MME: variants seen among roughly 807,000 people sequenced by gnomAD.
The protein encoded by MME is membrane metalloendopeptidase.
In MME, 98 loss-of-function variants were observed where a neutral mutation model predicts 113.2. The observed-to-expected ratio is 0.87, with a 90% CI of 0.74 to 1.02. The LOEUF (loss-of-function observed/expected upper bound fraction) is 1.02, where lower values mean the gene tolerates loss of function less well. Among genes scored for constraint, MME ranks in the 50% least tolerant of loss-of-function variants. The pLI is 0.00. For synonymous variants in MME, 292 were observed against 300.6 expected (o/e 0.97, Z 0.30); for missense variants, 836 against 896.0 (o/e 0.93, Z 0.86).
intron 8 of MME, among the ~76,000 whole-genome samples, chr3:155,128,734 C>T (rs1426123012): frequency 6.6e-6 from 1 of 152,016 alleles, no homozygotes; most frequent in Non-Finnish European, 1.5e-5. Flanking sequence ...TGTCTCATTG[C>T]CCTTTGCTCT....
At chr3:155,062,748 T>C (rs2108136951) in intron 1 of MME, among the ~76,000 whole-genome samples, 1 of 151,942 alleles carries the variant, frequency 6.6e-6, no homozygotes, top group East Asian at 1.9e-4. Flanking sequence ...GACACACAAA[T>C]GGAAACTTTA....
chr3:155,073,348 A>G (rs1714643096), intron 1 of MME, among the ~76,000 whole-genome samples: 1 of 152,226 alleles, frequency 6.6e-6, no homozygotes, highest in Non-Finnish European at 1.5e-5. Context: ...ATTAATTAAT[A>G]AGTAAATGCC....
chr3:155,179,047 A>G (rs1712827324), intron 22 of MME, among the ~76,000 whole-genome samples: 1 of 152,138 alleles, frequency 6.6e-6, no homozygotes, highest in South Asian at 2.1e-4. Flanking sequence ...CTGTAAGAGG[A>G]GTTAGTTTAG....
At chr3:155,123,690 C>T (rs1719352289) in intron 8 of MME, among the ~76,000 whole-genome samples, 1 of 46,340 alleles carries the variant, frequency 2.2e-5, no homozygotes, top group Non-Finnish European at 4.6e-5. Context: ...CTTAGTTTGG[C>T]TGGATATGAA....
intron 1 of MME, among the ~76,000 whole-genome samples, chr3:155,042,922 A>ACATATATATATATG (rs1713397031): frequency 1.6e-5 from 1 of 63,726 alleles, no homozygotes; most frequent in African/African-American, 6.8e-5. Flanking sequence ...ATATATATAT[A>ACATATATATATATG]TATATATATA....
At chr3:155,072,035 C>G (rs1219551987) in intron 1 of MME, among the ~76,000 whole-genome samples, 2 of 151,968 alleles carry the variant, frequency 1.3e-5, no homozygotes, top group African/African-American at 2.4e-5. Context: ...GTGGCGGGCG[C>G]CTGTAGTCCC....
intron 3 of MME, among the ~76,000 whole-genome samples, chr3:155,098,459 G>A (rs1176022610): frequency 6.6e-6 from 1 of 151,996 alleles, no homozygotes; most frequent in East Asian, 1.9e-4. Flanking sequence ...GGGAGGCTGA[G>A]GCAGGAGTAT....
chr3:155,158,438 C>T (rs1371025567), intron 16 of MME: 2 of 152,056 alleles, frequency 1.3e-5, no homozygotes, highest in Non-Finnish European at 2.9e-5. Flanking sequence ...ATCAGAATTA[C>T]CTTTCAGAAG....
chr3:155,085,527 A>T (rs1372853830), intron 3 of MME: 3 of 152,476 alleles, frequency 2.0e-5, no homozygotes, highest in African/African-American at 4.8e-5. Context: ...CATTTTATTT[A>T]TTTTTTTTAT....
At chr3:155,035,383 T>C (rs1713096785) in intron 1 of MME, among the ~76,000 whole-genome samples, 1 of 150,846 alleles carries the variant, frequency 6.6e-6, no homozygotes, top group Non-Finnish European at 1.5e-5. Context: ...CATTCCAAGG[T>C]GATAGAGATA....
At chr3:155,027,291 C>T (rs1231731609) in intron 1 of MME, among the ~76,000 whole-genome samples, 2 of 148,888 alleles carry the variant, frequency 1.3e-5, no homozygotes, top group East Asian at 4.0e-4. Context: ...TAACACTTCC[C>T]TCATCTACAC....
At chr3:155,117,060 A>G in intron 7 of MME, 74 bp downstream of exon 7, 1 of 866,308 alleles carries the variant, frequency 1.2e-6, no homozygotes, top group Non-Finnish European at 2.0e-6. Flanking sequence ...GTTGTTATTG[A>G]TATTTAGAAA....
chr3:155,063,189 T>G (rs1161879805), intron 1 of MME, among the ~76,000 whole-genome samples: 9 of 125,424 alleles, frequency 7.2e-5, no homozygotes, highest in Non-Finnish European at 1.4e-4. Context: ...CTTTGTAATA[T>G]ATATTATTTA....
In MME at chr3:155,106,482, A is replaced by G. The variant is rs1717698917; in HGVS notation, c.197-8512A>G. 2.0e-5 allele frequency among the ~76,000 whole-genome samples: 3 copies of G among 152,314 alleles called. 1 individual carries two copies. The South Asian group carries it at 6.2e-4, about 32-fold the overall frequency. ...TAATGAAAGCCATTTGGTTTTTATT[A>G]GCATTAGAGTCTACGTGCTTGCTAG... On this transcript the variant is annotated intron_variant, in intron 3 of 22. Coordinates refer to ENST00000360490, the MANE Select transcript of MME (RefSeq NM_007289.4).
At chr3:155,035,487 G>A (rs1041458683) in intron 1 of MME, among the ~76,000 whole-genome samples, 7 of 152,068 alleles carry the variant, frequency 4.6e-5, no homozygotes, top group African/African-American at 1.7e-4. Context: ...GAGTTATAAT[G>A]GCTGAGAATT....
At chr3:155,127,675 TGTGATCAAATAACACA>T (rs2108282449) in intron 8 of MME, among the ~76,000 whole-genome samples, 1 of 152,362 alleles carries the variant, frequency 6.6e-6, no homozygotes, top group South Asian at 2.1e-4. Context: ...ATACTGTATT[TGTGATCAAATAACACA>T]GTGGTGATCA....
intron 8 of MME, among the ~76,000 whole-genome samples, chr3:155,126,058 C>G (rs750629253): frequency 1.3e-5 from 2 of 151,956 alleles, no homozygotes; most frequent in Non-Finnish European, 2.9e-5. Context: ...TGAATGACTA[C>G]ACAACACTGA....
rs1385319177 is a variant in MME at position 155,142,300 on chromosome 3, C to A, written c.1158C>A (p.Thr386=). Residue 386 remains threonine, a synonymous_variant, in exon 12 of 23, where the codon ACC becomes ACA. Transcript: ENST00000360490. The part of the protein sequence containing the change: ...IMDLVSSLSR[T]YKESRNAFRK... ...ATCTTGTAAGCAGCCTCAGCCGAAC[C>A]TACAAGGAGTCCAGAAATGCTTTCC... 9 of 1,613,462 alleles carry A rather than the reference C, an allele frequency of 5.6e-6. No homozygotes were observed. Among genetic ancestry groups the A allele is most frequent in the Admixed American group, 1.7e-5 (1 of 59,954 alleles).
chr3:155,177,186 A>C (rs903714777), intron 22 of MME, among the ~76,000 whole-genome samples: 1 of 152,206 alleles, frequency 6.6e-6, no homozygotes, highest in Non-Finnish European at 1.5e-5. Context: ...TTGTTCCCAT[A>C]TGATAAAATC....
Sources: allele counts gnomAD v4.1 joint callset (sites outside exome capture counted in the v4.1 genomes callset), GRCh38; gene constraint gnomAD v4.1.1; transcripts MANE v1.5; gene names NCBI Gene and HGNC (gene_info 2026-07-23, HGNC 2026-07-21).